Variants in ZNF34 observed in about 807,000 individuals in gnomAD.
ZNF34 encodes zinc finger protein 34.
ZNF34 carries 8 observed loss-of-function variants against 14.4 expected under a neutral mutation model. That is an observed-to-expected ratio of 0.55 (90% CI 0.33 to 1.00). The LOEUF (loss-of-function observed/expected upper bound fraction) is 1.00, where lower values mean the gene tolerates loss of function less well. ZNF34 is among the 50% of genes least tolerant of loss of function. The pLI is 0.03. For synonymous variants in ZNF34, 235 were observed against 247.9 expected, an observed-to-expected ratio of 0.95 and a Z score of 0.49; for missense variants, 538 against 674.2, an observed-to-expected ratio of 0.80 and a Z score of 2.24.
intron 1 of ZNF34, among the ~76,000 whole-genome samples, chr8:144,783,795 A>C (rs1031901838): frequency 6.6e-6 from 1 of 152,260 alleles, no homozygotes; most frequent in Non-Finnish European, 1.5e-5. Flanking sequence ...CAATTATAAT[A>C]AACATTTCAA....
rs1825234607 is a variant in ZNF34, at chr8:144,772,469, CATATT to C, written c.*792_*796del. On this transcript the variant is annotated 3_prime_UTR_variant, in exon 6 of 6. Transcript: ENST00000429371. ...TAAAAATGGTTAAAATTGTAAATTT[CATATT>C]ATGTTATTTCACCACAGTTAAAGGC... 6.6e-6 allele frequency among the ~76,000 whole-genome samples: 1 copy of C among 152,332 alleles called. No individual in the cohort carries two copies. Among genetic ancestry groups the C allele is most frequent in the Admixed American group, 6.5e-5 (1 of 15,298 alleles).
chr8:144,775,734 C>A (rs926961512), intron 5 of ZNF34, among the ~76,000 whole-genome samples: 2 of 152,176 alleles, frequency 1.3e-5, no homozygotes, highest in African/African-American at 4.8e-5. Context: ...CGGAAACAGT[C>A]TGTATTTTAA....
intron 2 of ZNF34, among the ~76,000 whole-genome samples, chr8:144,778,937 A>T (rs1825702084): frequency 6.6e-6 from 1 of 152,022 alleles, no homozygotes. Flanking sequence ...CCATAATGTA[A>T]AAGAGTCTGG....
chr8:144,783,907 A>G (rs2955204), intron 1 of ZNF34, among the ~76,000 whole-genome samples: 6,227 of 152,228 alleles, frequency 0.041, 387 homozygotes, highest in African/African-American at 0.14. Context: ...GCTCACGCCT[A>G]TAATCCCAGC....
intron 5 of ZNF34, among the ~76,000 whole-genome samples, chr8:144,775,056 A>C (rs1329446026): frequency 6.6e-6 from 1 of 152,220 alleles, no homozygotes; most frequent in Non-Finnish European, 1.5e-5. Context: ...TGAGAACAAA[A>C]CAGATTAATA....
In ZNF34 at chr8:144,773,149, A is replaced by G. The variant is rs748271789; in HGVS notation, c.*117T>C. 2 of 1,120,030 alleles carry G rather than the reference A, an allele frequency of 1.8e-6. No individual in the cohort carries two copies. The highest frequency in any genetic ancestry group is 2.4e-6 in the Non-Finnish European group (2 of 825,392). The allele number at this position is 1,120,030 out of a possible 1,614,324, so 69.4% of individuals were successfully genotyped here. A position where few individuals can be genotyped will look rare whatever the true frequency, so the allele number is the denominator to read the frequency against. ...AGAAAAGAGGTTTGTTTAATGAGAA[A>G]CGTCCTTTCACTCTGTGAAAACATC... On this transcript the variant is annotated 3_prime_UTR_variant, in exon 6 of 6. Coordinates refer to ENST00000429371, the MANE Select transcript of ZNF34 (RefSeq NM_001286769.2). The surrounding 1 kb of genome is among the most constrained non-coding windows in gnomAD (Gnocchi z 5.4).
chr8:144,780,872 C>T (rs1159361757), intron 1 of ZNF34, among the ~76,000 whole-genome samples: 1 of 151,684 alleles, frequency 6.6e-6, no homozygotes, highest in Non-Finnish European at 1.5e-5. Context: ...CGTGGTTGCT[C>T]ACCCCTGAAA....
chr8:144,778,130 A>G lies in ZNF34; in HGVS notation c.68T>C (p.Leu23Pro), dbSNP rs202052025. 25 of 1,613,718 alleles carry G rather than the reference A, an allele frequency of 1.5e-5. No homozygotes were observed. The highest frequency in any genetic ancestry group is 2.0e-5 in the Non-Finnish European group (24 of 1,179,848). Reference protein sequence around the residue: ...EVTFEDVAVYLSREEWGRLGP... With the variant: ...EVTFEDVAVYPSREEWGRLGP... ...CAGGCGGCCCCATTCCTCCCGGGAG[A>G]GGTACACAGCCACGTCCTCGAAGGT... The change falls in exon 4 of 6, where the codon CTC becomes CCC. Residue 23 changes from leucine to proline, a missense_variant. By Grantham distance (98) the Leu-to-Pro change is moderately conservative. Around this residue, in one of 3 missense-constraint regions of ZNF34, gnomAD observed 431 missense variants for 525.7 expected, o/e 0.82. Transcript: ENST00000429371.
intron 1 of ZNF34, among the ~76,000 whole-genome samples, chr8:144,782,872 A>AAAAAAAAAAAAAAAAAAAAAAC (rs1825981623): frequency 6.8e-6 from 1 of 147,372 alleles, no homozygotes; most frequent in Non-Finnish European, 1.5e-5. Context: ...AAAAAAAAAA[A>AAAAAAAAAAAAAAAAAAAAAAC]AAAGAAAAGA....
At chr8:144,776,608 AAGCAAC>A (rs1359174316) in intron 5 of ZNF34, among the ~76,000 whole-genome samples, 1 of 150,418 alleles carries the variant, frequency 6.6e-6, no homozygotes, top group Non-Finnish European at 1.5e-5. Flanking sequence ...AAAAATAAAA[AAGCAAC>A]AGCATCTGAG....
Position 144,777,897 on chromosome 8 carries a change from T to G in ZNF34, c.160+141A>C. On this transcript the variant is annotated intron_variant, in intron 4 of 5. Transcript: ENST00000429371. The surrounding 1 kb of genome is among the most constrained non-coding windows in gnomAD (Gnocchi z 4.8). ...GAAGGTCCCAGCACTGCTCTTCCCC[T>G]CATCTTCTCAGATCAGGTGCCTGCC... The G allele has an allele frequency of 7.7e-7, 1 of 1,298,122 alleles. No homozygotes were observed. Among genetic ancestry groups the G allele is most frequent in the South Asian group, 1.4e-5 (1 of 71,812 alleles). The allele number at this position is 1,298,122 out of a possible 1,614,324, so 80.4% of individuals were successfully genotyped here.
chr8:144,776,225 T>C (rs540447769), intron 5 of ZNF34, among the ~76,000 whole-genome samples: 2 of 146,664 alleles, frequency 1.4e-5, no homozygotes, highest in East Asian at 2.0e-4. Context: ...GGCAAAAGAA[T>C]TGCTTGAACC....
chr8:144,782,212 C>T (rs950584458), intron 1 of ZNF34, among the ~76,000 whole-genome samples: 1 of 152,068 alleles, frequency 6.6e-6, no homozygotes, highest in African/African-American at 2.4e-5. Flanking sequence ...ATCCCAGCTA[C>T]TCGGGAGGCT....
Position 144,777,150 on chromosome 8 carries a change from T to C in ZNF34, c.280+308A>G, listed in dbSNP as rs2130238585. Among the ~76,000 whole-genome samples the C allele has an allele frequency of 6.6e-6, 1 of 152,018 alleles. No individual in the cohort carries two copies. The highest frequency in any genetic ancestry group is 1.5e-5 in the Non-Finnish European group (1 of 67,980). On this transcript the variant is annotated intron_variant, in intron 5 of 5. Transcript: ENST00000429371. The surrounding 1 kb of genome is among the most constrained non-coding windows in gnomAD (Gnocchi z 4.8). The stretch of plus-strand genomic sequence containing the variant: ...CTCTGGAGCGCAGGGTTCTGTGGGG[T>C]TCCGCAGACCCTAACAGCACCCCTG...
At chr8:144,778,186 C>A in intron 3 of ZNF34, 22 bp from the exon 4 acceptor site, 2 of 1,602,978 alleles carry the variant, frequency 1.2e-6, no homozygotes, top group Admixed American at 1.7e-5. Context: ...GGGACTACTG[C>A]AGCCCAGGTG....
rs921081979 is a variant in ZNF34 at position 144,777,963 on chromosome 8, GC to G, written c.160+74del. ...CACCTATCTGTGCCCAGGGGGTGAG[GC>G]CCCTAGCCCAGCCTCTGCTGAGCCC... is the stretch of plus-strand genomic sequence containing the variant. On this transcript the variant is annotated intron_variant, in intron 4 of 5. Coordinates refer to ENST00000429371, the MANE Select transcript of ZNF34 (RefSeq NM_001286769.2). This position sits in a 1 kb window ranked among gnomAD's most constrained non-coding sequence, Gnocchi z 4.8. The G allele has an allele frequency of 1.2e-5, 19 of 1,578,656 alleles. No individual in the cohort carries two copies. Among genetic ancestry groups the G allele is most frequent in the African/African-American group, 1.1e-4 (8 of 74,072 alleles).
At chr8:144,784,406 C>T (rs555162042) in intron 1 of ZNF34, among the ~76,000 whole-genome samples, 13 of 151,088 alleles carry the variant, frequency 8.6e-5, no homozygotes, top group Non-Finnish European at 1.9e-4. Context: ...AATTAGTTTC[C>T]TGCCTTCTGT....
chr8:144,774,166 C>T lies in ZNF34; in HGVS notation c.720G>A (p.Arg240=), dbSNP rs2979094. The T allele has an allele frequency of 1.3e-3, 2,123 of 1,613,994 alleles. 31 individuals are homozygous for T. In the African/African-American group the frequency reaches 0.025, roughly 19 times the overall value. ...HYCSYCGKTF[R]YSANLVKHQR... is the part of the protein sequence containing the mutation. ...GATGCTTGACAAGGTTGGCACTGTACCTGAATGTTTTCCCACAGTAACTGC... is the reference window on the plus strand; with the variant it reads ...GATGCTTGACAAGGTTGGCACTGTATCTGAATGTTTTCCCACAGTAACTGC... Residue 240 remains arginine, a synonymous_variant, in exon 6 of 6, where the codon AGG becomes AGA. Coordinates refer to ENST00000429371, the MANE Select transcript of ZNF34 (RefSeq NM_001286769.2).
At chr8:144,774,709 A>G in intron 5 of ZNF34, 104 bp from the exon 6 acceptor site, 5 of 1,385,954 alleles carry the variant, frequency 3.6e-6, no homozygotes, top group Non-Finnish European at 4.9e-6. Flanking sequence ...ATCATCTCCA[A>G]AGTCCCAACA....
Sources: allele counts gnomAD v4.1 joint callset (sites outside exome capture counted in the v4.1 genomes callset), GRCh38; gene constraint gnomAD v4.1.1; regional missense constraint gnomAD v4.1.1; non-coding constraint Gnocchi (gnomAD v3.1); transcripts MANE v1.5; gene names NCBI Gene and HGNC (gene_info 2026-07-23, HGNC 2026-07-21).